CDH13: variants seen among roughly 807,000 people sequenced by gnomAD.
The protein encoded by CDH13 is cadherin 13, also known as cadherin-13.
A neutral mutation model predicts 63.8 loss-of-function variants in CDH13; 24 were observed. That is an observed-to-expected ratio of 0.38 (90% CI 0.27 to 0.53). The LOEUF (loss-of-function observed/expected upper bound fraction) is 0.53, where lower values mean the gene tolerates loss of function less well. CDH13 is among the 20% of genes least tolerant of loss of function. The pLI is 0.85. For missense variants in CDH13, 1,049 were observed against 903.1 expected (o/e 1.16, Z -2.07); for synonymous variants, 503 against 355.3 (o/e 1.42, Z -4.67).
At chr16:82,870,497 C>T (rs573429957) in intron 2 of CDH13, among the ~76,000 whole-genome samples, 2 of 152,144 alleles carry the variant, frequency 1.3e-5, no homozygotes, top group East Asian at 3.9e-4. Context: ...TGGAAGGGTC[C>T]TGGGGAGGGA....
rs113827492 is a variant in CDH13 at position 82,720,099 on chromosome 16, A to G, written c.45+92962A>G. Reference sequence around the variant, plus strand: ...TGAAATAAAGATGAGCTATACATACATTTAAGAAAGATGAATAAAAACAAG... The same window carrying G: ...TGAAATAAAGATGAGCTATACATACGTTTAAGAAAGATGAATAAAAACAAG... On this transcript the variant is annotated intron_variant, in intron 1 of 13. Coordinates refer to ENST00000567109, the MANE Select transcript of CDH13 (RefSeq NM_001257.5). Among the ~76,000 whole-genome samples the G allele has an allele frequency of 2.6e-3, 395 of 152,298 alleles. 2 individuals carry two copies. The highest frequency in any genetic ancestry group is 8.3e-3 in the African/African-American group (346 of 41,570).
chr16:83,072,052 A>T (rs1212941447), intron 3 of CDH13, among the ~76,000 whole-genome samples: 2 of 152,158 alleles, frequency 1.3e-5, no homozygotes, highest in African/African-American at 4.8e-5. Flanking sequence ...ATTTAATAGT[A>T]TATTTTATTT....
At position 82,744,820 on chromosome 16, in the gene CDH13, G is replaced by A. The variant is rs982900050; in HGVS notation, c.46-113542G>A. ...ATATGAGGAAACTGAGGCACAAATAGCCTCGGCCATTTGTACAAGGTGCAG... is the reference window on the plus strand; with the variant it reads ...ATATGAGGAAACTGAGGCACAAATAACCTCGGCCATTTGTACAAGGTGCAG... On this transcript the variant is annotated intron_variant, in intron 1 of 13. Coordinates refer to ENST00000567109, the MANE Select transcript of CDH13 (RefSeq NM_001257.5). Among the ~76,000 whole-genome samples the A allele has an allele frequency of 2.6e-5, 4 of 152,102 alleles. 1 individual carries two copies. Among genetic ancestry groups the A allele is most frequent in the African/African-American group, 9.7e-5 (4 of 41,418 alleles).
intron 1 of CDH13, among the ~76,000 whole-genome samples, chr16:82,666,893 G>C (rs1015341700): frequency 6.6e-6 from 1 of 152,150 alleles, no homozygotes; most frequent in Non-Finnish European, 1.5e-5. Context: ...ACCTTGTCAA[G>C]ATGGGTGACA....
chr16:82,833,875 A>T (rs1173099897), intron 1 of CDH13, among the ~76,000 whole-genome samples: 1 of 152,176 alleles, frequency 6.6e-6, no homozygotes, highest in African/African-American at 2.4e-5. Context: ...AAAGATCGAC[A>T]TGTGAGCCCA....
intron 1 of CDH13, among the ~76,000 whole-genome samples, chr16:82,849,419 T>C (rs2039392337): frequency 6.6e-6 from 1 of 152,110 alleles, no homozygotes; most frequent in Non-Finnish European, 1.5e-5. Context: ...GGAGAATCGG[T>C]TGAACCAGGG....
chr16:82,884,285 T>G, intron 2 of CDH13: 1 of 447,432 alleles, frequency 2.2e-6, no homozygotes, highest in South Asian at 1.6e-5. Flanking sequence ...GGTTTGTCAG[T>G]CAGCAGAGGC....
At chr16:83,355,411 A>G (rs934067379) in intron 6 of CDH13, among the ~76,000 whole-genome samples, 4 of 152,212 alleles carry the variant, frequency 2.6e-5, no homozygotes, top group Non-Finnish European at 5.9e-5. Flanking sequence ...TCAGCAACAC[A>G]GTTAAGACCA....
rs545111711 is a variant in CDH13, at chr16:83,453,910, G to T, written c.782-32567G>T. 2.3e-4 allele frequency among the ~76,000 whole-genome samples: 35 copies of T among 152,318 alleles called. No homozygotes were observed. The South Asian group carries it at 7.3e-3, about 32-fold the overall frequency. On this transcript the variant is annotated intron_variant, in intron 6 of 13. Coordinates refer to ENST00000567109, the MANE Select transcript of CDH13 (RefSeq NM_001257.5). ...GTCAAAAGCTTGCCATGAGTCTGTA[G>T]TGCCAGCTCAAATGGCATCATGCTG...
chr16:82,983,154 A>G (rs901440890), intron 2 of CDH13, among the ~76,000 whole-genome samples: 26 of 152,182 alleles, frequency 1.7e-4, no homozygotes, highest in Admixed American at 1.4e-3. Flanking sequence ...CTTCAAACTC[A>G]TTCAACAGCT....
intron 7 of CDH13, among the ~76,000 whole-genome samples, chr16:83,512,687 T>A (rs1165689551): frequency 1.4e-5 from 2 of 147,924 alleles, no homozygotes; most frequent in African/African-American, 2.6e-5. Context: ...AATAATAATA[T>A]AATAATAATA....
chr16:83,262,947 T>C (rs1188409349), intron 5 of CDH13, among the ~76,000 whole-genome samples: 1 of 152,236 alleles, frequency 6.6e-6, no homozygotes, highest in Non-Finnish European at 1.5e-5. Flanking sequence ...GCTAAATTGA[T>C]ATGATGTTGT....
At chr16:83,267,194 C>G (rs1907726529) in intron 5 of CDH13, among the ~76,000 whole-genome samples, 1 of 152,140 alleles carries the variant, frequency 6.6e-6, no homozygotes, top group African/African-American at 2.4e-5. Flanking sequence ...CTGTTGTAAA[C>G]AAAGAGGAAA....
At chr16:83,464,007 G>C (rs1267779471) in intron 6 of CDH13, among the ~76,000 whole-genome samples, 1 of 152,084 alleles carries the variant, frequency 6.6e-6, no homozygotes, top group Non-Finnish European at 1.5e-5. Context: ...AGTGGGAGAG[G>C]GTGAGAAAGA....
intron 7 of CDH13, among the ~76,000 whole-genome samples, chr16:83,566,021 C>T (rs1004129994): frequency 6.6e-6 from 1 of 152,178 alleles, no homozygotes; most frequent in Non-Finnish European, 1.5e-5. Flanking sequence ...TGAGTTGTAA[C>T]GCAGGTGTGA....
In CDH13 at chr16:83,616,506, C is replaced by T. The variant is rs115373576; in HGVS notation, c.1101+13912C>T. 6.2e-3 allele frequency among the ~76,000 whole-genome samples: 948 copies of T among 152,182 alleles called. 6 individuals are homozygous for T. Among genetic ancestry groups the T allele is most frequent in the African/African-American group, 0.021 (877 of 41,518 alleles). ...ACTATAGCTGGCAGAGTCTTACCACCGAGCCACTCCATAGCACAGTGGCCT... is the reference window on the plus strand; with the variant it reads ...ACTATAGCTGGCAGAGTCTTACCACTGAGCCACTCCATAGCACAGTGGCCT... On this transcript the variant is annotated intron_variant, in intron 8 of 13. Transcript: ENST00000567109.
At chr16:82,678,454 A>G (rs1914185245) in intron 1 of CDH13, among the ~76,000 whole-genome samples, 2 of 152,064 alleles carry the variant, frequency 1.3e-5, no homozygotes, top group Admixed American at 6.5e-5. Flanking sequence ...CTTAAGGGCA[A>G]GGAATAGGTT....
chr16:82,920,392 G>T (rs771204686), intron 2 of CDH13, among the ~76,000 whole-genome samples: 1 of 152,200 alleles, frequency 6.6e-6, no homozygotes, highest in Non-Finnish European at 1.5e-5. Flanking sequence ...CAAAGCACAG[G>T]ATGAAGTTCA....
intron 5 of CDH13, among the ~76,000 whole-genome samples, chr16:83,237,608 T>G (rs978743682): frequency 2.0e-5 from 3 of 152,244 alleles, no homozygotes; most frequent in Non-Finnish European, 4.4e-5. Context: ...GCCTTACTGT[T>G]GGAAAGCATA....
Sources: gnomAD v4.1 joint callset for allele counts (sites outside exome capture counted in the v4.1 genomes callset) on GRCh38, gnomAD v4.1.1 for gene constraint, MANE v1.5 for transcripts, NCBI Gene and HGNC (gene_info 2026-07-23, HGNC 2026-07-21) for gene names.